The following POLR2C variants were observed in gnomAD, a reference collection of about 807,000 sequenced individuals.
POLR2C encodes the protein DNA-directed RNA polymerase II subunit RPB3.
A neutral mutation model predicts 41.7 loss-of-function variants in POLR2C; 36 were observed. That is an observed-to-expected ratio of 0.86 (90% CI 0.66 to 1.14). The LOEUF is 1.14. Among genes scored for constraint, POLR2C ranks in the 50% most tolerant of loss-of-function variants. The pLI is 0.00. For synonymous variants in POLR2C, 133 were observed against 137.8 expected (o/e 0.96, Z 0.25); for missense variants, 260 against 350.4 (o/e 0.74, Z 2.06).
In POLR2C at chr16:57,462,808, G is replaced by A; in HGVS notation, c.84G>A (p.Leu28=). 6.2e-7 allele frequency: 1 copy of A among 1,606,578 alleles called. No individual in the cohort carries two copies. Among genetic ancestry groups the A allele is most frequent in the African/African-American group, 1.3e-5 (1 of 74,908 alleles). Residue 28 remains leucine, a splice_region_variant and synonymous_variant, in exon 1 of 9, where the codon CTG becomes CTA. Transcript: ENST00000219252. ...NVKFIIENTD[L]AVANSIRRVF... ...AGTTCATCATCGAGAACACCGACCT[G>A]GCGTAAGGCTACCGAGGGAAGAGGC...
In POLR2C at chr16:57,463,079, GT is replaced by G; in HGVS notation, c.136+2del. ...TTCATCGCTGAGGTTCCCATAATAG[GT>G]AAGCGACTCCCCTTCCTCGTTCCCG... On this transcript the variant is annotated splice_donor_variant, in intron 2 of 8. Transcript: ENST00000219252. LOFTEE classifies it high-confidence loss of function. 17 of 1,593,434 alleles carry G rather than the reference GT, an allele frequency of 1.1e-5. No homozygotes were observed. Among genetic ancestry groups the G allele is most frequent in the Non-Finnish European group, 1.5e-5 (17 of 1,163,278 alleles).
At chr16:57,467,226 C>T (rs1453693378) in intron 4 of POLR2C, among the ~76,000 whole-genome samples, 1 of 152,100 alleles carries the variant, frequency 6.6e-6, no homozygotes, top group Non-Finnish European at 1.5e-5. Context: ...AAGTGAGACT[C>T]CGTCTCAAAA....
chr16:57,462,966 C>A, intron 1 of POLR2C, 63 bp from the exon 2 acceptor site: 1 of 1,486,312 alleles, frequency 6.7e-7, no homozygotes, highest in Non-Finnish European at 9.4e-7. Flanking sequence ...TGGGAGCCTG[C>A]GGCGCGGGCC....
At chr16:57,462,951 AGCTTTGGGAGCCTG>A in intron 1 of POLR2C, 64 bp from the exon 2 acceptor site, 1 of 1,296,286 alleles carries the variant, frequency 7.7e-7, no homozygotes, top group Non-Finnish European at 1.1e-6. Context: ...CCAGGGCTTT[AGCTTTGGGAGCCTG>A]CGGCGCGGGC....
Position 57,469,860 on chromosome 16 carries a change from C to T in POLR2C, c.439+99C>T. The T allele has an allele frequency of 6.3e-7, 1 of 1,581,446 alleles. No homozygotes were observed. Among genetic ancestry groups the T allele is most frequent in the Non-Finnish European group, 8.7e-7 (1 of 1,151,072 alleles). On this transcript the variant is annotated intron_variant, in intron 6 of 8. Transcript: ENST00000219252. This position sits in a 1 kb window ranked among gnomAD's most constrained non-coding sequence, Gnocchi z 5.8. Reference sequence around the variant, plus strand: ...GTCTCCTCGAAAATTGGCTTTAGACCGTTTTTCCAGATGTGTGTGGTCTTG... The same window carrying T: ...GTCTCCTCGAAAATTGGCTTTAGACTGTTTTTCCAGATGTGTGTGGTCTTG...
At chr16:57,464,740 CTG>C (rs1309869354) in intron 2 of POLR2C, among the ~76,000 whole-genome samples, 1 of 146,806 alleles carries the variant, frequency 6.8e-6, no homozygotes, top group African/African-American at 2.5e-5. Flanking sequence ...CTTCATGCCT[CTG>C]GACCTCAGTT....
intron 2 of POLR2C, 78 bp downstream of exon 2, chr16:57,463,156 T>G: frequency 2.6e-6 from 3 of 1,141,724 alleles, no homozygotes; most frequent in Non-Finnish European, 4.0e-6. Flanking sequence ...TTGGGGCTCC[T>G]TCCAGTCCTT....
chr16:57,471,964 T>C lies in POLR2C; in HGVS notation c.*845T>C, dbSNP rs1364937953. The stretch of plus-strand genomic sequence containing the variant: ...ATTTATTGATTAACAGAAGTTGTCT[T>C]TTTAAAAGTGTTTATTTTTGGCAAT... On this transcript the variant is annotated 3_prime_UTR_variant, in exon 9 of 9. Transcript: ENST00000219252. The C allele has an allele frequency of 6.5e-6, 1 of 152,730 alleles. No individual in the cohort carries two copies. Among genetic ancestry groups the C allele is most frequent in the African/African-American group, 2.4e-5 (1 of 41,446 alleles). 9.5% of individuals were successfully genotyped at this position (152,730 alleles called of 1,614,324 possible).
chr16:57,471,801 CAGG>C lies in POLR2C; in HGVS notation c.*688_*690del, dbSNP rs1429819812. On this transcript the variant is annotated 3_prime_UTR_variant, in exon 9 of 9. Transcript: ENST00000219252. The stretch of plus-strand genomic sequence containing the variant: ...GGAGCAAGGGCCCCTCCCACATACA[CAGG>C]AGGAGTATTTCATTTCTCCTTAATG... 2 of 152,172 alleles carry C rather than the reference CAGG, an allele frequency of 1.3e-5. No homozygotes were observed. Among genetic ancestry groups the C allele is most frequent in the Non-Finnish European group, 2.9e-5 (2 of 68,074 alleles). 9.4% of individuals were successfully genotyped at this position (152,172 alleles called of 1,614,324 possible). A position where few individuals can be genotyped will look rare whatever the true frequency, so the allele number is the denominator to read the frequency against.
intron 2 of POLR2C, 106 bp downstream of exon 2, chr16:57,463,184 G>A: frequency 2.1e-6 from 2 of 937,114 alleles, no homozygotes; most frequent in Middle Eastern, 2.1e-4. Context: ...GCTGAGGGTG[G>A]TAGTGCTGAG....
Position 57,469,393 on chromosome 16 carries a change from T to C in POLR2C, c.387+100T>C. 1.5e-6 allele frequency: 2 copies of C among 1,326,990 alleles called. No individual in the cohort carries two copies. Among genetic ancestry groups the C allele is most frequent in the Non-Finnish European group, 2.2e-6 (2 of 923,234 alleles). The allele number at this position is 1,326,990 out of a possible 1,614,324, so 82.2% of individuals were successfully genotyped here. A position where few individuals can be genotyped will look rare whatever the true frequency, so the allele number is the denominator to read the frequency against. Reference sequence around the variant, plus strand: ...GGGTTGATCCTTAGAAAATGTTGGCTTTCCCTGTTACCCTCTGCCTTAATC... The same window carrying C: ...GGGTTGATCCTTAGAAAATGTTGGCCTTCCCTGTTACCCTCTGCCTTAATC... On this transcript the variant is annotated intron_variant, in intron 5 of 8. Coordinates refer to ENST00000219252, the MANE Select transcript of POLR2C (RefSeq NM_032940.3). This position sits in a 1 kb window ranked among gnomAD's most constrained non-coding sequence, Gnocchi z 5.8.
chr16:57,467,182 G>C (rs1420588227), intron 4 of POLR2C, among the ~76,000 whole-genome samples: 1 of 152,146 alleles, frequency 6.6e-6, no homozygotes, highest in African/African-American at 2.4e-5. Context: ...GCAGTGAGCC[G>C]AGATTGCGCC....
At chr16:57,470,529 G>A in intron 8 of POLR2C, 175 bp downstream of exon 8, 1 of 580,904 alleles carries the variant, frequency 1.7e-6, no homozygotes, top group Non-Finnish European at 3.1e-6. Context: ...CAGGTCGTCA[G>A]CCCCTTTTGG....
Position 57,466,033 on chromosome 16 carries a change from T to C in POLR2C, c.205+12T>C. On this transcript the variant is annotated intron_variant, in intron 3 of 8. Coordinates refer to ENST00000219252, the MANE Select transcript of POLR2C (RefSeq NM_032940.3). ...TGCTCACAGGCTTGGTGAGTACTCC[T>C]TTTACTAGGAGGTTAAAGGGAGGGT... The C allele has an allele frequency of 6.4e-7, 1 of 1,552,148 alleles. No individual in the cohort carries two copies. The highest frequency in any genetic ancestry group is 8.9e-7 in the Non-Finnish European group (1 of 1,124,264).
intron 4 of POLR2C, among the ~76,000 whole-genome samples, chr16:57,467,653 T>G (rs1380474813): frequency 1.3e-5 from 2 of 152,246 alleles, no homozygotes; most frequent in Non-Finnish European, 2.9e-5. Flanking sequence ...CAAATTGTTA[T>G]TTTTGCTGAA....
At chr16:57,470,648 A>G (rs147316213) in intron 8 of POLR2C, among the ~76,000 whole-genome samples, 2 of 152,282 alleles carry the variant, frequency 1.3e-5, no homozygotes, top group East Asian at 1.9e-4. Flanking sequence ...TTTGGACCCA[A>G]GTTCCACAGG....
intron 2 of POLR2C, 121 bp from the exon 3 acceptor site, chr16:57,465,832 G>A: frequency 4.1e-6 from 3 of 729,486 alleles, no homozygotes; most frequent in Non-Finnish European, 7.5e-6. Flanking sequence ...CTAATGCTGT[G>A]GAATCAGCCC....
intron 2 of POLR2C, chr16:57,463,295 A>G (rs750876181): frequency 1.5e-5 from 9 of 613,032 alleles, no homozygotes; most frequent in Non-Finnish European, 2.0e-5. Flanking sequence ...TGTCCTGGGT[A>G]TGCATTGCTG....
At position 57,469,387 on chromosome 16, in the gene POLR2C, G is replaced by A. The variant is rs1276872286; in HGVS notation, c.387+94G>A. The stretch of plus-strand genomic sequence containing the variant: ...AGACTGGGGTTGATCCTTAGAAAAT[G>A]TTGGCTTTCCCTGTTACCCTCTGCC... On this transcript the variant is annotated intron_variant, in intron 5 of 8. Coordinates refer to ENST00000219252, the MANE Select transcript of POLR2C (RefSeq NM_032940.3). This position sits in a 1 kb window ranked among gnomAD's most constrained non-coding sequence, Gnocchi z 5.8. 1.4e-6 allele frequency: 2 copies of A among 1,402,412 alleles called. No homozygotes were observed. Among genetic ancestry groups the A allele is most frequent in the Non-Finnish European group, 2.0e-6 (2 of 990,452 alleles). 86.9% of individuals were successfully genotyped at this position (1,402,412 alleles called of 1,614,324 possible). A position where few individuals can be genotyped will look rare whatever the true frequency, so the allele number is the denominator to read the frequency against.
Sources: gnomAD v4.1 joint callset for allele counts (sites outside exome capture counted in the v4.1 genomes callset) on GRCh38, gnomAD v4.1.1 for gene constraint, Gnocchi (gnomAD v3.1) non-coding constraint, MANE v1.5 for transcripts, NCBI Gene and HGNC (gene_info 2026-07-23, HGNC 2026-07-21) for gene names.